The following CRB1 variants were observed in gnomAD, a reference collection of about 807,000 sequenced individuals.
CRB1 encodes the protein protein crumbs homolog 1.
Under a neutral mutation model 120.0 loss-of-function variants are expected in CRB1, and 83 were observed. The observed-to-expected ratio is 0.69, with a 90% CI of 0.58 to 0.83. CRB1 has a LOEUF of 0.83. Ranked by LOEUF, CRB1 falls within the 40% of genes least tolerant of loss-of-function variation. CRB1 has a pLI of 0.00. For synonymous variants in CRB1, 625 were observed against 612.5 expected (o/e 1.02, Z -0.30); for missense variants, 1,699 against 1,687.6 (o/e 1.01, Z -0.12).
chr1:197,359,662 A>C (rs1660675050), intron 5 of CRB1, among the ~76,000 whole-genome samples: 2 of 152,228 alleles, frequency 1.3e-5, no homozygotes, highest in South Asian at 4.1e-4. Flanking sequence ...TAGTTTTCTA[A>C]GAAACTGTCA....
chr1:197,416,061 C>T (rs540642081), intron 5 of CRB1, among the ~76,000 whole-genome samples: 2 of 152,348 alleles, frequency 1.3e-5, no homozygotes, highest in African/African-American at 2.4e-5. Context: ...GCAGCAGCTA[C>T]TGCCCAAACT....
chr1:197,309,953 C>T (rs1657417772), intron 1 of CRB1, among the ~76,000 whole-genome samples: 1 of 151,916 alleles, frequency 6.6e-6, no homozygotes, highest in Non-Finnish European at 1.5e-5. Flanking sequence ...TATGTTTATA[C>T]AAGGAAAGTG....
chr1:197,341,240 C>T (rs114765391), intron 2 of CRB1, among the ~76,000 whole-genome samples: 177 of 152,158 alleles, frequency 1.2e-3, no homozygotes, highest in East Asian at 3.3e-3. Flanking sequence ...ACATTCTAGA[C>T]GGTATCAGGA....
chr1:197,346,290 G>GA (rs201746647), intron 3 of CRB1, among the ~76,000 whole-genome samples: 20,157 of 138,020 alleles, frequency 0.15, 1,970 homozygotes, highest in African/African-American at 0.28. Context: ...AATCAGAACT[G>GA]AAAAAAAAAA....
At chr1:197,401,296 T>C (rs1324349998) in intron 5 of CRB1, among the ~76,000 whole-genome samples, 2 of 152,174 alleles carry the variant, frequency 1.3e-5, no homozygotes, top group Non-Finnish European at 2.9e-5. Flanking sequence ...CCATATTTTG[T>C]TTTCATTAGG....
Position 197,477,932 on chromosome 1 carries a change from G to C in CRB1, c.*53G>C. 6.6e-7 allele frequency: 1 copy of C among 1,523,774 alleles called. No homozygotes were observed. Among genetic ancestry groups the C allele is most frequent in the East Asian group, 2.2e-5 (1 of 44,486 alleles). The allele number at this position is 1,523,774 out of a possible 1,614,324, so 94.4% of individuals were successfully genotyped here. A position where few individuals can be genotyped will look rare whatever the true frequency, so the allele number is the denominator to read the frequency against. ...TCCACACACTGTGAATGTGATGACT[G>C]TACTTCAGGTATCTCTGACATACCT... On this transcript the variant is annotated 3_prime_UTR_variant, in exon 12 of 12. Coordinates refer to ENST00000367400, the MANE Select transcript of CRB1 (RefSeq NM_201253.3).
rs561832149 is a variant in CRB1, at chr1:197,414,373, T to A, written c.1172-6627T>A. On this transcript the variant is annotated intron_variant, in intron 5 of 11. Coordinates refer to ENST00000367400, the MANE Select transcript of CRB1 (RefSeq NM_201253.3). ...AGTGAGAATTATGACAAAAATCATC[T>A]TCATATCCAATGATATTAATTCTAA... Among the ~76,000 whole-genome samples the A allele has an allele frequency of 3.9e-5, 6 of 152,258 alleles. No homozygotes were observed. In the South Asian group the frequency reaches 1.2e-3, roughly 32 times the overall value.
chr1:197,223,758 T>C, the CRB1 span, among the ~76,000 whole-genome samples: 2 of 152,180 alleles, frequency 1.3e-5, no homozygotes, highest in African/African-American at 2.4e-5. Context: ...AATATGGATG[T>C]GCTTATACAG....
chr1:197,262,561 G>C, the CRB1 span, among the ~76,000 whole-genome samples: 2 of 151,968 alleles, frequency 1.3e-5, no homozygotes, highest in Non-Finnish European at 2.9e-5. Context: ...AGATACCGGG[G>C]GTAGATGTGC....
intron 5 of CRB1, among the ~76,000 whole-genome samples, chr1:197,405,488 C>T (rs1376658908): frequency 5.9e-5 from 9 of 152,136 alleles, no homozygotes; most frequent in Middle Eastern, 3.4e-3. Flanking sequence ...AGCCTCTGCC[C>T]GGCCGCCACC....
At chr1:197,414,000 G>A in intron 5 of CRB1, 1 of 455,816 alleles carries the variant, frequency 2.2e-6, no homozygotes, top group South Asian at 1.6e-5. Flanking sequence ...AATGCTCATA[G>A]GTAACTAACT....
At chr1:197,291,985 C>T (rs914512069) in intron 1 of CRB1, among the ~76,000 whole-genome samples, 2 of 151,934 alleles carry the variant, frequency 1.3e-5, no homozygotes, top group Non-Finnish European at 2.9e-5. Context: ...AAAATTGACA[C>T]CCTAACATCA....
At chr1:197,236,174 G>T in the CRB1 span, among the ~76,000 whole-genome samples, 4 of 148,116 alleles carry the variant, frequency 2.7e-5, no homozygotes, top group Admixed American at 2.0e-4. Context: ...ATGCAGTTAT[G>T]ATCTGTATGG....
In CRB1 at chr1:197,328,452, G is replaced by A. The variant is rs916428055; in HGVS notation, c.101G>A (p.Cys34Tyr). 1.9e-6 allele frequency: 3 copies of A among 1,613,844 alleles called. No individual in the cohort carries two copies. The highest frequency in any genetic ancestry group is 2.5e-6 in the Non-Finnish European group (3 of 1,179,892). Reference protein sequence around the residue: ...NSFCNKNNTRCLSNSCQNNST... With the variant: ...NSFCNKNNTRYLSNSCQNNST... Reference sequence around the variant, plus strand: ...TTTTGCAATAAAAACAACACCAGGTGCCTCTCAAATTCTTGCCAAAACAAT... The same window carrying A: ...TTTTGCAATAAAAACAACACCAGGTACCTCTCAAATTCTTGCCAAAACAAT... The change falls in exon 2 of 12, where the codon TGC becomes TAC. Residue 34 changes from cysteine to tyrosine, a missense_variant. Cys to Tyr is a radical substitution (Grantham distance 194, BLOSUM62 -2). Transcript: ENST00000367400.
chr1:197,321,681 G>T (rs534982617), intron 1 of CRB1, among the ~76,000 whole-genome samples: 135 of 152,258 alleles, frequency 8.9e-4, no homozygotes, highest in Non-Finnish European at 1.6e-3. Flanking sequence ...TTTGCTAATT[G>T]TAAGGACAAG....
chr1:197,227,082 C>T, the CRB1 span, among the ~76,000 whole-genome samples: 11 of 152,096 alleles, frequency 7.2e-5, no homozygotes, highest in African/African-American at 2.7e-4. Context: ...CCATCCTTGA[C>T]CCCTCCAAAT....
chr1:197,288,101 G>T (rs1410183196), intron 1 of CRB1, among the ~76,000 whole-genome samples: 1 of 151,896 alleles, frequency 6.6e-6, no homozygotes, highest in Non-Finnish European at 1.5e-5. Context: ...TCATGAGACG[G>T]AGTACCTGAG....
intron 5 of CRB1, among the ~76,000 whole-genome samples, chr1:197,415,079 A>T (rs917358070): frequency 1.3e-5 from 2 of 152,228 alleles, no homozygotes; most frequent in Admixed American, 6.5e-5. Flanking sequence ...CAAATTATTG[A>T]CATTTTATGA....
At chr1:197,288,916 T>C (rs573886097) in intron 1 of CRB1, among the ~76,000 whole-genome samples, 2 of 151,440 alleles carry the variant, frequency 1.3e-5, no homozygotes, top group South Asian at 2.1e-4. Flanking sequence ...TAAAAAGTTT[T>C]GAAGAAATAA....
Sources: allele counts gnomAD v4.1 joint callset (sites outside exome capture counted in the v4.1 genomes callset), GRCh38; gene constraint gnomAD v4.1.1; transcripts MANE v1.5; gene names NCBI Gene and HGNC (gene_info 2026-07-23, HGNC 2026-07-21).